WDR41: variants seen among roughly 807,000 people sequenced by gnomAD.
WDR41 encodes WD repeat domain 41.
In WDR41, 63 loss-of-function variants were observed where a neutral mutation model predicts 69.3. That is an observed-to-expected ratio of 0.91 (90% CI 0.74 to 1.12). The LOEUF (loss-of-function observed/expected upper bound fraction) is 1.12, where lower values mean the gene tolerates loss of function less well. Ranked by LOEUF, WDR41 falls within the 50% of genes most tolerant of loss-of-function variation. The pLI is 0.00. For synonymous variants in WDR41, 185 were observed against 192.1 expected (o/e 0.96, Z 0.31); for missense variants, 543 against 534.5 (o/e 1.02, Z -0.16).
intron 1 of WDR41, among the ~76,000 whole-genome samples, chr5:77,500,290 C>A (rs191673568): frequency 2.2e-4 from 33 of 152,052 alleles, no homozygotes; most frequent in African/African-American, 7.2e-4. Flanking sequence ...ATTTAACATA[C>A]AATAACCAAA....
intron 1 of WDR41, among the ~76,000 whole-genome samples, chr5:77,579,837 T>C (rs758137833): frequency 1.3e-5 from 2 of 151,082 alleles, no homozygotes; most frequent in Non-Finnish European, 2.9e-5. Flanking sequence ...ATAAGATGTA[T>C]GTAATGTGTT....
chr5:77,590,648 G>T (rs189504595), intron 1 of WDR41, among the ~76,000 whole-genome samples: 35 of 152,322 alleles, frequency 2.3e-4, no homozygotes, highest in Non-Finnish European at 4.4e-4. Context: ...TCTTGCTCAG[G>T]ACAGCAAGGG....
intron 1 of WDR41, among the ~76,000 whole-genome samples, chr5:77,584,523 A>C (rs1331892726): frequency 1.3e-5 from 2 of 152,206 alleles, no homozygotes; most frequent in Non-Finnish European, 2.9e-5. Context: ...AAATAATTTT[A>C]AGAAGACAAA....
At chr5:77,481,879 T>A (rs899233240) in intron 2 of WDR41, among the ~76,000 whole-genome samples, 2 of 152,156 alleles carry the variant, frequency 1.3e-5, no homozygotes, top group African/African-American at 4.8e-5. Context: ...TGTTCATCTG[T>A]ATGATTCCTA....
chr5:77,532,348 T>C (rs1345655199), intron 1 of WDR41, among the ~76,000 whole-genome samples: 1 of 152,086 alleles, frequency 6.6e-6, no homozygotes, highest in Non-Finnish European at 1.5e-5. Context: ...ATGCTGCTAG[T>C]GGAGATGGAA....
At chr5:77,444,047 A>T (rs966920206) in intron 8 of WDR41, among the ~76,000 whole-genome samples, 7 of 151,914 alleles carry the variant, frequency 4.6e-5, no homozygotes, top group African/African-American at 1.7e-4. Flanking sequence ...CACCTGGCTA[A>T]TTTTTGTATT....
chr5:77,440,553 T>A (rs906835096), intron 9 of WDR41, among the ~76,000 whole-genome samples: 2 of 152,224 alleles, frequency 1.3e-5, no homozygotes, highest in Non-Finnish European at 2.9e-5. Context: ...TCAAATCCAA[T>A]GGGATTATTT....
rs892275822 is a variant in WDR41 at position 77,431,851 on chromosome 5, T to A, written c.*1284A>T. ...CTCCATAGAACTTTTCATGACTCAA[T>A]GTTGTTTGGATTTAAAGTAGTCATA... On this transcript the variant is annotated 3_prime_UTR_variant, in exon 13 of 13. Transcript: ENST00000296679. 1 of 148,572 alleles carries A rather than the reference T, an allele frequency of 6.7e-6. No homozygotes were observed. Among genetic ancestry groups the A allele is most frequent in the African/African-American group, 2.5e-5 (1 of 40,116 alleles). 9.2% of individuals were successfully genotyped at this position (148,572 alleles called of 1,614,324 possible).
intron 2 of WDR41, among the ~76,000 whole-genome samples, chr5:77,479,030 C>T (rs1211547034): frequency 2.0e-5 from 3 of 150,810 alleles, no homozygotes; most frequent in African/African-American, 7.3e-5. Flanking sequence ...TATACACCAA[C>T]AACAAACAGA....
In WDR41 at chr5:77,518,141, G is replaced by C. The variant is rs183873635; in HGVS notation, c.43-28569C>G. The stretch of plus-strand genomic sequence containing the variant: ...TTTTTAAGATTAACAAAAAAAGAGA[G>C]AATATTTTCACTGCCATAGATACGT... On this transcript the variant is annotated intron_variant, in intron 1 of 5. Transcript: ENST00000509971. 1.5e-3 allele frequency among the ~76,000 whole-genome samples: 232 copies of C among 152,162 alleles called. 3 individuals are homozygous for C. Among genetic ancestry groups the C allele is most frequent in the African/African-American group, 5.5e-3 (228 of 41,506 alleles).
At chr5:77,468,501 G>C (rs1258590064) in intron 2 of WDR41, among the ~76,000 whole-genome samples, 1 of 152,076 alleles carries the variant, frequency 6.6e-6, no homozygotes, top group African/African-American at 2.4e-5. Context: ...GCTTAATAAA[G>C]ATTTGTAAAA....
At chr5:77,572,077 G>T (rs914571380) in intron 1 of WDR41, among the ~76,000 whole-genome samples, 40 of 152,064 alleles carry the variant, frequency 2.6e-4, no homozygotes, top group African/African-American at 9.7e-4. Flanking sequence ...AAAAACCAAA[G>T]AATATGAAAG....
chr5:77,475,239 G>C (rs1292400440), intron 2 of WDR41, among the ~76,000 whole-genome samples: 1 of 152,210 alleles, frequency 6.6e-6, no homozygotes, highest in Non-Finnish European at 1.5e-5. Context: ...CAGGCTGGGG[G>C]AGGGGCGCCC....
chr5:77,535,294 G>A (rs148948275), intron 1 of WDR41, among the ~76,000 whole-genome samples: 8 of 152,262 alleles, frequency 5.3e-5, no homozygotes, highest in African/African-American at 1.9e-4. Flanking sequence ...AACACTCCAT[G>A]TCACTCTGGG....
intron 4 of WDR41, among the ~76,000 whole-genome samples, chr5:77,460,059 T>C (rs1799985597): frequency 6.6e-6 from 1 of 152,110 alleles, no homozygotes; most frequent in Non-Finnish European, 1.5e-5. Flanking sequence ...GTAAGGCTGT[T>C]TACCCTTGTG....
At position 77,477,533 on chromosome 5, in the gene WDR41, C is replaced by G. The variant is rs1190095644; in HGVS notation, c.167+11924G>C. On this transcript the variant is annotated intron_variant, in intron 2 of 12. Transcript: ENST00000296679. ...GGATTAAGAATCCCACTCAAAACCG[C>G]TCAACTACATGGAAACTGAACAACC... Among the ~76,000 whole-genome samples, 2 of 87,304 alleles carry G rather than the reference C, an allele frequency of 2.3e-5. 1 individual carries two copies. Among genetic ancestry groups the G allele is most frequent in the Non-Finnish European group, 3.9e-5 (2 of 50,894 alleles). 57.3% of individuals were successfully genotyped at this position (87,304 alleles called of 152,430 possible).
At chr5:77,512,367 TG>T (rs1802219970) in intron 1 of WDR41, among the ~76,000 whole-genome samples, 1 of 118,924 alleles carries the variant, frequency 8.4e-6, no homozygotes, top group African/African-American at 3.6e-5. Context: ...TGTGTGTGTG[TG>T]TGTGTGTGTG....
At chr5:77,615,687 CAAAA>C (rs10695519) in intron 1 of WDR41, among the ~76,000 whole-genome samples, 1,715 of 79,374 alleles carry the variant, frequency 0.022, 18 homozygotes, top group Non-Finnish European at 0.031. Context: ...TACTGCAAGT[CAAAA>C]AAAAAAAAAA....
rs545693128 is a variant in WDR41 at position 77,460,217 on chromosome 5, A to C, written c.349-1093T>G. Among the ~76,000 whole-genome samples the C allele has an allele frequency of 4.6e-5, 7 of 152,210 alleles. No individual in the cohort carries two copies. In the South Asian group the frequency reaches 1.5e-3, roughly 32 times the overall value. On this transcript the variant is annotated intron_variant, in intron 4 of 12. Transcript: ENST00000296679. ...TTTCTACTTAATGCACCTCCCTTTC[A>C]CACCATCATAAAGTTGAAAAACTGT...
Sources: gnomAD v4.1 joint callset for allele counts (sites outside exome capture counted in the v4.1 genomes callset) on GRCh38, gnomAD v4.1.1 for gene constraint, MANE v1.5 for transcripts, NCBI Gene and HGNC (gene_info 2026-07-23, HGNC 2026-07-21) for gene names.